Variants in DAGLB observed in about 807,000 individuals in gnomAD.
DAGLB encodes diacylglycerol lipase-beta.
Under a neutral mutation model 72.1 loss-of-function variants are expected in DAGLB, and 66 were observed. That is an observed-to-expected ratio of 0.92 (90% CI 0.75 to 1.12). The LOEUF (loss-of-function observed/expected upper bound fraction) is 1.12, where lower values mean the gene tolerates loss of function less well. DAGLB is among the 50% of genes most tolerant of loss of function. The probability of loss-of-function intolerance (pLI) is 0.00; values close to 1 mark genes in which losing one functional copy is unlikely to be tolerated. For synonymous variants in DAGLB, 414 were observed against 359.5 expected, an observed-to-expected ratio of 1.15 and a Z score of -1.71; for missense variants, 1,065 against 884.9, an observed-to-expected ratio of 1.20 and a Z score of -2.58.
chr7:6,410,439 C>T (rs1562476405), intron 13 of DAGLB, 59 bp from the exon 14 acceptor site: 2 of 1,540,366 alleles, frequency 1.3e-6, no homozygotes, highest in African/African-American at 1.4e-5. Flanking sequence ...CCCGAGACCT[C>T]CCGAAACACC....
chr7:6,439,241 T>G (rs1230261720), intron 2 of DAGLB, among the ~76,000 whole-genome samples: 2 of 143,810 alleles, frequency 1.4e-5, no homozygotes, highest in South Asian at 4.4e-4. Flanking sequence ...GGCGACAGAG[T>G]GAGACTCTAT....
At chr7:6,410,779 G>C (rs772835710) in intron 13 of DAGLB, among the ~76,000 whole-genome samples, 2 of 152,092 alleles carry the variant, frequency 1.3e-5, no homozygotes, top group Non-Finnish European at 2.9e-5. Context: ...CGTGATCTTG[G>C]CTCCACAATC....
chr7:6,445,640 A>G (rs535788622), intron 2 of DAGLB: 13 of 180,950 alleles, frequency 7.2e-5, no homozygotes, highest in Middle Eastern at 2.1e-3. Context: ...TTTTTAGTAG[A>G]GACGTAGAGA....
In DAGLB at chr7:6,409,791, A is replaced by G. The variant is rs769057175; in HGVS notation, c.*46T>C. 42 of 1,590,188 alleles carry G rather than the reference A, an allele frequency of 2.6e-5. No individual in the cohort carries two copies. The highest frequency in any genetic ancestry group is 3.1e-5 in the Non-Finnish European group (36 of 1,166,634). ...TCGGATGGTAAGTCAGTTTAAGGAC[A>G]AAAGCGTGAGTCCATCGTTCCTGGG... On this transcript the variant is annotated 3_prime_UTR_variant, in exon 15 of 15. Transcript: ENST00000297056.
rs1783664949 is a variant in DAGLB, at chr7:6,410,015, G to A, written c.1841C>T (p.Ala614Val). The change falls in exon 15 of 15, where the codon GCT becomes GTT. Residue 614 changes from alanine (A) to valine (V), a missense_variant. By Grantham distance (64) the Ala-to-Val change is moderately conservative. Coordinates refer to ENST00000297056, the MANE Select transcript of DAGLB (RefSeq NM_139179.4). ...GTGTGACCACTTGGCGCTATAGTGA[G>A]CAGCAGAGCAGCAGCCAAACCTGAA... ...ASGRFGCCSA[A>V]HYSAKWSHEA... 1 of 1,613,542 alleles carries A rather than the reference G, an allele frequency of 6.2e-7. No homozygotes were observed. The highest frequency in any genetic ancestry group is 1.1e-5 in the South Asian group (1 of 91,052).
At chr7:6,436,634 G>C in intron 2 of DAGLB, 101 bp from the exon 3 acceptor site, 1 of 1,421,956 alleles carries the variant, frequency 7.0e-7, no homozygotes, top group Non-Finnish European at 9.6e-7. Flanking sequence ...CATTTGTACT[G>C]TGCACACCCG....
At position 6,410,736 on chromosome 7, in the gene DAGLB, A is replaced by AG. The variant is rs144081118; in HGVS notation, c.1570-357dup. Among the ~76,000 whole-genome samples the AG allele has an allele frequency of 2.9e-3, 441 of 152,232 alleles. 2 individuals carry two copies. Among genetic ancestry groups the AG allele is most frequent in the Admixed American group, 5.5e-3 (84 of 15,288 alleles). ...TACCCTTCCTTCCCTGAAAGGCATTAGATATTAATTTCTATGGGCTGGAGC... is the reference window on the plus strand; with the variant it reads ...TACCCTTCCTTCCCTGAAAGGCATTAGGATATTAATTTCTATGGGCTGGAGC... On this transcript the variant is annotated intron_variant, in intron 13 of 14. Transcript: ENST00000297056.
chr7:6,412,488 CAG>C, intron 13 of DAGLB: 1 of 272,532 alleles, frequency 3.7e-6, no homozygotes, highest in East Asian at 6.5e-5. Flanking sequence ...AGAATAGAGA[CAG>C]GGTCTTGTTG....
chr7:6,427,170 A>G (rs1251596345), intron 6 of DAGLB, among the ~76,000 whole-genome samples: 7 of 152,222 alleles, frequency 4.6e-5, no homozygotes, highest in Admixed American at 3.9e-4. Flanking sequence ...CTACAAACAC[A>G]TCGCAAACTG....
chr7:6,444,695 T>A (rs188597936), intron 2 of DAGLB, among the ~76,000 whole-genome samples: 63 of 152,110 alleles, frequency 4.1e-4, no homozygotes, highest in Non-Finnish European at 9.0e-4. Flanking sequence ...GATACACAAA[T>A]GAGCAATAAG....
chr7:6,445,900 T>G lies in DAGLB; in HGVS notation c.247+53A>C, dbSNP rs189228592. ...TGAATTGTATGGTATGTGAATTATATCTCAATAAAGCTATAAAAAAATAGG... is the reference window on the plus strand; with the variant it reads ...TGAATTGTATGGTATGTGAATTATAGCTCAATAAAGCTATAAAAAAATAGG... On this transcript the variant is annotated intron_variant, in intron 2 of 14. Transcript: ENST00000297056. 30 of 1,501,230 alleles carry G rather than the reference T, an allele frequency of 2.0e-5. No individual in the cohort carries two copies. In the East Asian group the frequency reaches 4.1e-4, roughly 21 times the overall value. 93.0% of individuals were successfully genotyped at this position (1,501,230 alleles called of 1,614,324 possible).
At chr7:6,418,146 G>C (rs945111027) in intron 9 of DAGLB, among the ~76,000 whole-genome samples, 2 of 152,126 alleles carry the variant, frequency 1.3e-5, no homozygotes, top group Admixed American at 1.3e-4. Context: ...TGGGATTACA[G>C]GTGTGAGCCA....
rs562661517 is a variant in DAGLB, at chr7:6,412,840, G to C, written c.1540C>G (p.Arg514Gly). The change falls in exon 13 of 15, where the codon CGA becomes GGA. Residue 514 changes from arginine to glycine, a missense_variant. Arg to Gly is a moderately radical substitution (Grantham distance 125, BLOSUM62 -2). Coordinates refer to ENST00000297056, the MANE Select transcript of DAGLB (RefSeq NM_139179.4). ...GGTTTATTGCAGTGCGCGACCACTCGCAAGATTCTTCTCTTCAGATCTTCC... is the reference window on the plus strand; with the variant it reads ...GGTTTATTGCAGTGCGCGACCACTCCCAAGATTCTTCTCTTCAGATCTTCC... ...NLEDLKRRIL[R>G]VVAHCNKPKY... is the part of the protein sequence containing the mutation. 3.6e-5 allele frequency: 58 copies of C among 1,600,606 alleles called. No individual in the cohort carries two copies. The highest frequency in any genetic ancestry group is 5.1e-5 in the Admixed American group (3 of 58,278).
Position 6,447,936 on chromosome 7 carries a change from G to T in DAGLB, c.-94C>A. ...CTCCGGACGCCGCCACCAAATTATC[G>T]GCGCTCAAGCGCAAACGCAGCGAGG... On this transcript the variant is annotated 5_prime_UTR_variant, in exon 1 of 15. Transcript: ENST00000297056. 4 of 1,464,628 alleles carry T rather than the reference G, an allele frequency of 2.7e-6. No homozygotes were observed. Among genetic ancestry groups the T allele is most frequent in the Middle Eastern group, 1.8e-4 (1 of 5,604 alleles). The allele number at this position is 1,464,628 out of a possible 1,614,324, so 90.7% of individuals were successfully genotyped here.
At chr7:6,444,408 C>A (rs1784932038) in intron 2 of DAGLB, among the ~76,000 whole-genome samples, 2 of 152,074 alleles carry the variant, frequency 1.3e-5, no homozygotes, top group Admixed American at 6.6e-5. Flanking sequence ...TCGAGACAAG[C>A]CTGACCAACA....
chr7:6,411,604 A>C (rs836562), intron 13 of DAGLB, among the ~76,000 whole-genome samples: 6 of 151,964 alleles, frequency 3.9e-5, no homozygotes, highest in African/African-American at 9.7e-5. Context: ...CTGGGTGACA[A>C]AGCGAGACCC....
intron 6 of DAGLB, among the ~76,000 whole-genome samples, chr7:6,429,242 G>A (rs1784405235): frequency 6.6e-6 from 1 of 152,034 alleles, no homozygotes; most frequent in African/African-American, 2.4e-5. Flanking sequence ...GGTTGTCATG[G>A]ACCATTCCCG....
chr7:6,425,304 C>T (rs916925392), intron 7 of DAGLB, among the ~76,000 whole-genome samples: 19 of 152,144 alleles, frequency 1.2e-4, no homozygotes, highest in African/African-American at 4.6e-4. Context: ...TGGCATCTTG[C>T]TCTGTCACCT....
At position 6,417,008 on chromosome 7, in the gene DAGLB, T is replaced by G. The variant is rs2115247536; in HGVS notation, c.1219-87A>C. On this transcript the variant is annotated intron_variant, in intron 9 of 14. Coordinates refer to ENST00000297056, the MANE Select transcript of DAGLB (RefSeq NM_139179.4). ...TCAAAGATGGGATGACGCTGTGCACTGATGTGTGAGTCTCTCCTGGGATCT... is the reference window on the plus strand; with the variant it reads ...TCAAAGATGGGATGACGCTGTGCACGGATGTGTGAGTCTCTCCTGGGATCT... 3.5e-6 allele frequency: 5 copies of G among 1,434,536 alleles called. No individual in the cohort carries two copies. The East Asian group carries it at 9.4e-5, about 27-fold the overall frequency. The allele number at this position is 1,434,536 out of a possible 1,614,324, so 88.9% of individuals were successfully genotyped here. A position where few individuals can be genotyped will look rare whatever the true frequency, so the allele number is the denominator to read the frequency against.
Sources: allele counts gnomAD v4.1 joint callset (sites outside exome capture counted in the v4.1 genomes callset), GRCh38; gene constraint gnomAD v4.1.1; transcripts MANE v1.5; gene names NCBI Gene and HGNC (gene_info 2026-07-23, HGNC 2026-07-21).